ABTB3: variants seen among roughly 807,000 people sequenced by gnomAD.
The protein encoded by ABTB3 is ankyrin repeat- and BTB/POZ domain-containing protein 3.
At chr12:107,480,342 A>G in the ABTB3 span, among the ~76,000 whole-genome samples, 2 of 152,198 alleles carry the variant, frequency 1.3e-5, no homozygotes, top group African/African-American at 4.8e-5. Context: ...AGTAGGGAAG[A>G]GCATGCCCAC....
At chr12:107,423,789 C>T in the ABTB3 span, among the ~76,000 whole-genome samples, 2 of 152,186 alleles carry the variant, frequency 1.3e-5, no homozygotes, top group African/African-American at 4.8e-5. Flanking sequence ...CTTGAGAATG[C>T]AAGCCAGACT....
chr12:107,425,950 G>A, the ABTB3 span, among the ~76,000 whole-genome samples: 1 of 152,154 alleles, frequency 6.6e-6, no homozygotes, highest in African/African-American at 2.4e-5. Flanking sequence ...TGAGTCGTTT[G>A]GAGTTCAGCC....
At chr12:107,433,452 G>A in the ABTB3 span, among the ~76,000 whole-genome samples, 12 of 152,036 alleles carry the variant, frequency 7.9e-5, no homozygotes, top group South Asian at 2.1e-4. Flanking sequence ...TGACATGGGC[G>A]TTCCAGAGCT....
chr12:107,546,731 G>A, the ABTB3 span, among the ~76,000 whole-genome samples: 1 of 152,044 alleles, frequency 6.6e-6, no homozygotes. Flanking sequence ...CAGGTGTGGT[G>A]GCACACACCT....
chr12:107,656,162 A>G, the ABTB3 span, among the ~76,000 whole-genome samples: 1 of 151,488 alleles, frequency 6.6e-6, no homozygotes, highest in East Asian at 1.9e-4. Flanking sequence ...ATAGCCGGAC[A>G]TGGTGGCGCA....
At chr12:107,528,690 C>T in the ABTB3 span, among the ~76,000 whole-genome samples, 1 of 152,208 alleles carries the variant, frequency 6.6e-6, no homozygotes, top group Non-Finnish European at 1.5e-5. Context: ...AACTCCATCT[C>T]CCATGGCTAG....
the ABTB3 span, among the ~76,000 whole-genome samples, chr12:107,511,143 A>T: frequency 2.0e-5 from 3 of 152,308 alleles, no homozygotes; most frequent in African/African-American, 7.2e-5. Context: ...CCTACACACT[A>T]GGTAGATTCT....
the ABTB3 span, among the ~76,000 whole-genome samples, chr12:107,366,199 C>T: frequency 6.6e-6 from 1 of 152,170 alleles, no homozygotes; most frequent in South Asian, 2.1e-4. Flanking sequence ...TCTTTCAGTG[C>T]TTGACACCCT....
At chr12:107,342,855 G>T in the ABTB3 span, among the ~76,000 whole-genome samples, 1 of 151,968 alleles carries the variant, frequency 6.6e-6, no homozygotes. Context: ...TTCCTCCTTT[G>T]AACCCCCGTA....
the ABTB3 span, among the ~76,000 whole-genome samples, chr12:107,411,595 T>G: frequency 6.6e-6 from 1 of 152,232 alleles, no homozygotes; most frequent in Non-Finnish European, 1.5e-5. Flanking sequence ...CCTCACTATT[T>G]CTCTGGCTCT....
At chr12:107,420,365 T>G in the ABTB3 span, among the ~76,000 whole-genome samples, 1 of 152,158 alleles carries the variant, frequency 6.6e-6, no homozygotes, top group Non-Finnish European at 1.5e-5. Flanking sequence ...CGGTTTCACA[T>G]GGCGGGGGAG....
the ABTB3 span, among the ~76,000 whole-genome samples, chr12:107,335,286 C>CAA: frequency 1.6e-3 from 29 of 18,646 alleles, 8 homozygotes; most frequent in South Asian, 4.7e-3. Context: ...GACCTTGTCT[C>CAA]AAAAAAAAAA....
chr12:107,480,445 A>G, the ABTB3 span, among the ~76,000 whole-genome samples: 2 of 152,204 alleles, frequency 1.3e-5, no homozygotes, highest in Non-Finnish European at 2.9e-5. Flanking sequence ...GCCTAAACTC[A>G]TGAGATATTC....
At chr12:107,644,972 C>CTTTTTTTTTTT in the ABTB3 span, among the ~76,000 whole-genome samples, 3 of 127,196 alleles carry the variant, frequency 2.4e-5, no homozygotes, top group Admixed American at 1.7e-4. Flanking sequence ...TCAAAATTCA[C>CTTTTTTTTTTT]TTTTTTTTTT....
the ABTB3 span, chr12:107,319,856 AGCGCCAGCG>A: frequency 8.2e-7 from 1 of 1,220,706 alleles, no homozygotes; most frequent in Non-Finnish European, 1.0e-6. Flanking sequence ...CGCAGCCAGC[AGCGCCAGCG>A]GGGGCAGCAG....
the ABTB3 span, among the ~76,000 whole-genome samples, chr12:107,472,594 A>C: frequency 6.6e-6 from 1 of 152,236 alleles, no homozygotes; most frequent in African/African-American, 2.4e-5. Context: ...TGCTCTGATG[A>C]GTAAATGAAA....
At chr12:107,335,284 C>A in the ABTB3 span, among the ~76,000 whole-genome samples, 1 of 30,738 alleles carries the variant, frequency 3.3e-5, no homozygotes, top group Non-Finnish European at 6.4e-5. Context: ...AAGACCTTGT[C>A]TCAAAAAAAA....
chr12:107,469,920 TTCTCTCTCTCTC>T, the ABTB3 span, among the ~76,000 whole-genome samples: 377 of 101,402 alleles, frequency 3.7e-3, 7 homozygotes, highest in African/African-American at 7.7e-3. Context: ...CTTTCTTTCT[TTCTCTCTCTCTC>T]TCTTTCTTTC....
At chr12:107,430,635 A>C in the ABTB3 span, among the ~76,000 whole-genome samples, 2 of 152,172 alleles carry the variant, frequency 1.3e-5, no homozygotes, top group Non-Finnish European at 2.9e-5. Flanking sequence ...TGTACCTTCC[A>C]GAATAGTGTT....
Sources: gnomAD v4.1 joint callset for allele counts (sites outside exome capture counted in the v4.1 genomes callset) on GRCh38, gnomAD v4.1.1 for gene constraint, MANE v1.5 for transcripts, NCBI Gene and HGNC (gene_info 2026-07-23, HGNC 2026-07-21) for gene names.